The following ME1 variants were observed in gnomAD, a reference collection of about 807,000 sequenced individuals.
The protein encoded by ME1 is malic enzyme 1.
A neutral mutation model predicts 66.4 loss-of-function variants in ME1; 74 were observed. The observed-to-expected ratio is 1.11, with a 90% CI of 0.92 to 1.35. The LOEUF (loss-of-function observed/expected upper bound fraction) is 1.35, where lower values mean the gene tolerates loss of function less well. Among genes scored for constraint, ME1 ranks in the 40% most tolerant of loss-of-function variants. ME1 has a pLI of 0.00. For missense variants in ME1, 750 were observed against 694.1 expected, an observed-to-expected ratio of 1.08 and a Z score of -0.90; for synonymous variants, 251 against 235.6, an observed-to-expected ratio of 1.07 and a Z score of -0.60.
At chr6:83,405,600 C>T (rs1240115297) in intron 2 of ME1, among the ~76,000 whole-genome samples, 1 of 152,054 alleles carries the variant, frequency 6.6e-6, no homozygotes, top group Non-Finnish European at 1.5e-5. Context: ...AAAGGGAGTG[C>T]TTCCAGCTTT....
intron 12 of ME1, among the ~76,000 whole-genome samples, chr6:83,219,740 ATTTTTT>A (rs11324255): frequency 7.5e-6 from 1 of 133,210 alleles, no homozygotes; most frequent in Non-Finnish European, 1.6e-5. Context: ...TGCCCAACTA[ATTTTTT>A]TTTTTTTTTT....
intron 1 of ME1, among the ~76,000 whole-genome samples, chr6:83,416,217 GA>G (rs1183773392): frequency 6.6e-6 from 1 of 152,064 alleles, no homozygotes; most frequent in South Asian, 2.1e-4. Flanking sequence ...TTGTTGGGAA[GA>G]AAAAAATGAG....
At chr6:83,250,668 T>C (rs907283619) in intron 7 of ME1, among the ~76,000 whole-genome samples, 1 of 152,082 alleles carries the variant, frequency 6.6e-6, no homozygotes, top group African/African-American at 2.4e-5. Context: ...CCATCATAGA[T>C]TTCAGCAACA....
chr6:83,281,289 A>G (rs184832584), intron 6 of ME1, among the ~76,000 whole-genome samples: 44 of 152,342 alleles, frequency 2.9e-4, no homozygotes, highest in African/African-American at 1.0e-3. Context: ...GTGAGCAAAA[A>G]TCTGCCTCTA....
intron 6 of ME1, among the ~76,000 whole-genome samples, chr6:83,261,419 A>ATTTTT (rs1562462611): frequency 3.1e-5 from 1 of 32,394 alleles, no homozygotes; most frequent in African/African-American, 1.4e-4. Flanking sequence ...CTCTGTTGGT[A>ATTTTT]ATTTTTTTTT....
intron 3 of ME1, among the ~76,000 whole-genome samples, chr6:83,388,227 A>G (rs763539204): frequency 6.6e-5 from 10 of 151,914 alleles, no homozygotes; most frequent in Non-Finnish European, 1.3e-4. Context: ...AGGTGGGACT[A>G]TAGCACGCAC....
At chr6:83,276,135 C>CT (rs1269830721) in intron 6 of ME1, among the ~76,000 whole-genome samples, 1 of 152,114 alleles carries the variant, frequency 6.6e-6, no homozygotes, top group South Asian at 2.1e-4. Context: ...GAAGCACCGA[C>CT]TTTTTTGCAT....
chr6:83,318,097 A>C (rs1185967801), intron 5 of ME1, among the ~76,000 whole-genome samples: 1 of 151,870 alleles, frequency 6.6e-6, no homozygotes, highest in Non-Finnish European at 1.5e-5. Context: ...CTGGCTAGCC[A>C]TATGTAGAAA....
chr6:83,243,263 A>T (rs1207097805), intron 7 of ME1, among the ~76,000 whole-genome samples: 1 of 146,920 alleles, frequency 6.8e-6, no homozygotes, highest in Non-Finnish European at 1.5e-5. Context: ...AGAGAGAGAT[A>T]CTGTCTCAAA....
chr6:83,259,919 G>A (rs938239716), intron 6 of ME1, among the ~76,000 whole-genome samples: 3 of 151,730 alleles, frequency 2.0e-5, no homozygotes, highest in African/African-American at 7.3e-5. Context: ...CAAGTTTCTT[G>A]TCTTCTTAAG....
chr6:83,322,105 GAACATC>G (rs1768189458), intron 5 of ME1, among the ~76,000 whole-genome samples: 2 of 152,278 alleles, frequency 1.3e-5, no homozygotes, highest in South Asian at 4.1e-4. Context: ...GGAAGAGCAT[GAACATC>G]AACAAAAAGG....
intron 7 of ME1, among the ~76,000 whole-genome samples, chr6:83,244,093 C>T (rs1790569850): frequency 6.6e-6 from 1 of 151,454 alleles, no homozygotes. Flanking sequence ...TTTACATACT[C>T]AATACGGAGA....
chr6:83,382,769 AAC>A (rs1769430749), intron 3 of ME1, among the ~76,000 whole-genome samples: 1 of 152,082 alleles, frequency 6.6e-6, no homozygotes. Context: ...AGAGTTGGAA[AAC>A]ATAATCAATC....
intron 5 of ME1, among the ~76,000 whole-genome samples, chr6:83,324,662 G>A (rs996531696): frequency 9.7e-5 from 10 of 103,222 alleles, no homozygotes; most frequent in Non-Finnish European, 1.6e-4. Flanking sequence ...TCGAATCCCC[G>A]AATAGACCAA....
intron 13 of ME1, among the ~76,000 whole-genome samples, chr6:83,213,528 C>A (rs1248052822): frequency 2.0e-5 from 3 of 152,070 alleles, no homozygotes; most frequent in Non-Finnish European, 4.4e-5. Context: ...CCACACCCGG[C>A]TAATTTCTGT....
intron 6 of ME1, among the ~76,000 whole-genome samples, chr6:83,287,848 A>G (rs1456932730): frequency 1.3e-5 from 2 of 152,124 alleles, no homozygotes; most frequent in African/African-American, 4.8e-5. Flanking sequence ...TTGCCTTTCT[A>G]ACTGGAGTGA....
chr6:83,210,907 G>A lies in ME1; in HGVS notation c.*1017C>T, dbSNP rs1375569760. ...TATGTAAGGACATTTCTGATACTGGGAACTTAATTATAATACTTTCTCCAA... is the reference window on the plus strand; with the variant it reads ...TATGTAAGGACATTTCTGATACTGGAAACTTAATTATAATACTTTCTCCAA... On this transcript the variant is annotated 3_prime_UTR_variant, in exon 14 of 14. Transcript: ENST00000369705. The A allele has an allele frequency of 1.3e-5, 2 of 152,078 alleles. No homozygotes were observed. The highest frequency in any genetic ancestry group is 2.9e-5 in the Non-Finnish European group (2 of 68,012). 9.4% of individuals were successfully genotyped at this position (152,078 alleles called of 1,614,324 possible).
chr6:83,293,413 C>T lies in ME1; in HGVS notation c.704+21897G>A, dbSNP rs78598129. ...TATACTCATACTAATTCTCCCTCCT[C>T]TCTTCCCCCAGCTTTTGGCAACCAC... On this transcript the variant is annotated intron_variant, in intron 6 of 13. Transcript: ENST00000369705. Among the ~76,000 whole-genome samples the T allele has an allele frequency of 6.6e-3, 1,001 of 152,306 alleles. 11 individuals are homozygous for T. Among genetic ancestry groups the T allele is most frequent in the African/African-American group, 0.023 (949 of 41,566 alleles).
At chr6:83,405,791 G>T (rs1206114787) in intron 2 of ME1, among the ~76,000 whole-genome samples, 1 of 145,932 alleles carries the variant, frequency 6.9e-6, no homozygotes, top group Non-Finnish European at 1.5e-5. Context: ...GCGGGATCTC[G>T]GCTCACTGCA....
Sources: allele counts gnomAD v4.1 joint callset (sites outside exome capture counted in the v4.1 genomes callset), GRCh38; gene constraint gnomAD v4.1.1; transcripts MANE v1.5; gene names NCBI Gene and HGNC (gene_info 2026-07-23, HGNC 2026-07-21).